The following BSN variants were observed in gnomAD, a reference collection of about 807,000 sequenced individuals.
The protein encoded by BSN is bassoon presynaptic cytomatrix protein.
A neutral mutation model predicts 264.8 loss-of-function variants in BSN; 57 were observed. The observed-to-expected ratio is 0.22, with a 90% CI of 0.17 to 0.27. BSN has a LOEUF of 0.27. Among genes scored for constraint, BSN ranks in the 10% least tolerant of loss-of-function variants. BSN has a pLI of 1.00. For missense variants in BSN, 4,615 were observed against 5,232.5 expected, an observed-to-expected ratio of 0.88 and a Z score of 3.64; for synonymous variants, 2,059 against 2,137.3, an observed-to-expected ratio of 0.96 and a Z score of 1.01.
chr3:49,576,016 C>G (rs749097293), intron 1 of BSN, among the ~76,000 whole-genome samples: 2 of 152,076 alleles, frequency 1.3e-5, no homozygotes, highest in Non-Finnish European at 2.9e-5. Context: ...AGATACTTCT[C>G]CCCACCCTCC....
intron 2 of BSN, chr3:49,641,482 C>G (rs1385187061): frequency 6.6e-6 from 1 of 152,160 alleles, no homozygotes; most frequent in East Asian, 1.9e-4. Flanking sequence ...CAGAGGGAAA[C>G]TATGTGTTTA....
chr3:49,610,599 A>C (rs889907760), intron 1 of BSN, among the ~76,000 whole-genome samples: 2 of 151,064 alleles, frequency 1.3e-5, no homozygotes, highest in African/African-American at 2.4e-5. Context: ...AAAAAAAAAA[A>C]AAAAAAACAA....
At chr3:49,607,595 G>T (rs1162188733) in intron 1 of BSN, among the ~76,000 whole-genome samples, 1 of 152,234 alleles carries the variant, frequency 6.6e-6, no homozygotes, top group Non-Finnish European at 1.5e-5. Flanking sequence ...ATGCACGTGT[G>T]CACACAGTAG....
rs760360093 is a variant in BSN at position 49,655,559 on chromosome 3, C to G, written c.6003C>G (p.Ile2001Met). The G allele has an allele frequency of 3.7e-6, 6 of 1,613,378 alleles. No individual in the cohort carries two copies. The South Asian group carries it at 6.6e-5, about 18-fold the overall frequency. The stretch of plus-strand genomic sequence containing the variant: ...GCCTCAACTACCATGCCCAGAGGAT[C>G]GGGCAGCTCTTCCAGGGTCCTGGAC... ...EAGLNYHAQR[I>M]GQLFQGPGRD... The change falls in exon 5 of 12, where the codon ATC becomes ATG. Residue 2001 changes from isoleucine to methionine, a missense_variant. By Grantham distance (10) the Ile-to-Met change is conservative. Coordinates refer to ENST00000296452, the MANE Select transcript of BSN (RefSeq NM_003458.4).
chr3:49,558,240 G>A (rs1462645082), intron 1 of BSN, among the ~76,000 whole-genome samples: 1 of 152,246 alleles, frequency 6.6e-6, no homozygotes, highest in African/African-American at 2.4e-5. Context: ...CATAAAGAAT[G>A]TGGTCTACAC....
At chr3:49,632,414 T>C (rs2052389502) in intron 2 of BSN, among the ~76,000 whole-genome samples, 1 of 152,194 alleles carries the variant, frequency 6.6e-6, no homozygotes, top group Non-Finnish European at 1.5e-5. Flanking sequence ...AGAAAATACT[T>C]GCTAATTATA....
chr3:49,576,771 G>A (rs1279836890), intron 1 of BSN, among the ~76,000 whole-genome samples: 2 of 152,146 alleles, frequency 1.3e-5, no homozygotes, highest in African/African-American at 4.8e-5. Context: ...CCTTGCTCAG[G>A]CTCATACTCA....
chr3:49,663,042 G>C lies in BSN; in HGVS notation c.10884G>C (p.Leu3628=), dbSNP rs748432651. 6.2e-6 allele frequency: 10 copies of C among 1,613,508 alleles called. No homozygotes were observed. The highest frequency in any genetic ancestry group is 2.7e-5 in the African/African-American group (2 of 74,954). ...HDYDEPPEEG[L]WPHDEGGPGR... ...ACGATGAACCCCCTGAGGAGGGCCT[G>C]TGGCCTCATGATGAGGGTGGCCCAG... The change falls in exon 7 of 12, where the codon CTG becomes CTC. Residue 3628 remains leucine (L), a synonymous_variant. Transcript: ENST00000296452.
intron 1 of BSN, among the ~76,000 whole-genome samples, chr3:49,591,838 C>T (rs1364713761): frequency 6.6e-6 from 1 of 152,158 alleles, no homozygotes; most frequent in East Asian, 1.9e-4. Context: ...ATCCACCCAC[C>T]TTGGCCTCCC....
intron 1 of BSN, among the ~76,000 whole-genome samples, chr3:49,565,521 C>T (rs1247356142): frequency 1.3e-5 from 2 of 151,990 alleles, no homozygotes; most frequent in Non-Finnish European, 2.9e-5. Context: ...GGGGTTTCAC[C>T]GTGTTAGCCA....
Position 49,576,427 on chromosome 3 carries a change from C to CT in BSN, c.224+21612dup, listed in dbSNP as rs1164537220. 1.9e-3 allele frequency among the ~76,000 whole-genome samples: 273 copies of CT among 140,686 alleles called. 2 individuals are homozygous for CT. The highest frequency in any genetic ancestry group is 1.6e-3 in the East Asian group (8 of 4,968). 92.3% of individuals were successfully genotyped at this position (140,686 alleles called of 152,430 possible). On this transcript the variant is annotated intron_variant, in intron 1 of 11. Coordinates refer to ENST00000296452, the MANE Select transcript of BSN (RefSeq NM_003458.4). Reference sequence around the variant, plus strand: ...TCTTTTTTTTTCTTTTTTCTTTTTTCTTTTTTTTTTTGAGACAGAGTCTTG... The same window carrying CT: ...TCTTTTTTTTTCTTTTTTCTTTTTTCTTTTTTTTTTTTGAGACAGAGTCTTG...
At chr3:49,590,088 G>T (rs898970272) in intron 1 of BSN, among the ~76,000 whole-genome samples, 1 of 151,710 alleles carries the variant, frequency 6.6e-6, no homozygotes, top group South Asian at 2.1e-4. Context: ...TGCCCGCCTC[G>T]GCCTCCTAAA....
In BSN at chr3:49,650,847, A is replaced by G; in HGVS notation, c.1754A>G (p.Lys585Arg). 6.2e-7 allele frequency: 1 copy of G among 1,614,148 alleles called. No individual in the cohort carries two copies. The highest frequency in any genetic ancestry group is 8.5e-7 in the Non-Finnish European group (1 of 1,179,998). ...ACCAAGGCCAGCCCTCTGCCCAGCA[A>G]GGCCAGCCCCCAGGCCAAGCCCCTC... is the stretch of plus-strand genomic sequence containing the variant. The part of the protein sequence containing the change: ...LSTKASPLPS[K>R]ASPQAKPLRA... The change falls in exon 4 of 12, where the codon AAG becomes AGG. Residue 585 changes from lysine to arginine, a missense_variant. By Grantham distance (26) the Lys-to-Arg change is conservative. Coordinates refer to ENST00000296452, the MANE Select transcript of BSN (RefSeq NM_003458.4).
chr3:49,610,584 C>CAA (rs60726552), intron 1 of BSN, among the ~76,000 whole-genome samples: 3,328 of 70,696 alleles, frequency 0.047, 429 homozygotes, highest in African/African-American at 0.12. Context: ...AATTTCATCT[C>CAA]AAAAAAAAAA....
intron 1 of BSN, among the ~76,000 whole-genome samples, chr3:49,615,704 C>T (rs775685951): frequency 6.6e-5 from 10 of 152,192 alleles, no homozygotes; most frequent in Admixed American, 2.6e-4. Context: ...GTGCTATTGC[C>T]GTCAGCACTG....
At chr3:49,635,883 G>T (rs780742075) in intron 2 of BSN, among the ~76,000 whole-genome samples, 1 of 151,856 alleles carries the variant, frequency 6.6e-6, no homozygotes, top group Non-Finnish European at 1.5e-5. Context: ...GGAGGCTGAG[G>T]TGGGAGGATC....
At chr3:49,605,462 T>A (rs1427701513) in intron 1 of BSN, among the ~76,000 whole-genome samples, 3 of 9,100 alleles carry the variant, frequency 3.3e-4, no homozygotes, top group African/African-American at 1.6e-3. Flanking sequence ...TAATATATAT[T>A]ATATATAATA....
At chr3:49,635,328 G>A (rs912290345) in intron 2 of BSN, among the ~76,000 whole-genome samples, 21 of 152,182 alleles carry the variant, frequency 1.4e-4, no homozygotes, top group Non-Finnish European at 1.3e-4. Flanking sequence ...GATAAGCAAA[G>A]AAGAGTAGAA....
Position 49,656,977 on chromosome 3 carries a change from A to T in BSN, c.7421A>T (p.Lys2474Met). 6.2e-7 allele frequency: 1 copy of T among 1,609,030 alleles called. No homozygotes were observed. Among genetic ancestry groups the T allele is most frequent in the Non-Finnish European group, 8.5e-7 (1 of 1,177,154 alleles). Residue 2474 changes from lysine to methionine, a missense_variant, in exon 5 of 12, where the codon AAG (lysine) becomes ATG (methionine). By Grantham distance (95) the Lys-to-Met change is moderately conservative. Coordinates refer to ENST00000296452, the MANE Select transcript of BSN (RefSeq NM_003458.4). ...QQLEEQKQRQKAPFPAACEAP... is the reference protein window; with the variant it reads ...QQLEEQKQRQMAPFPAACEAP... The stretch of plus-strand genomic sequence containing the variant: ...CTAGAGGAGCAGAAGCAGCGGCAGA[A>T]GGCTCCCTTTCCTGCAGCCTGTGAG...
Sources: allele counts gnomAD v4.1 joint callset (sites outside exome capture counted in the v4.1 genomes callset), GRCh38; gene constraint gnomAD v4.1.1; transcripts MANE v1.5; gene names NCBI Gene and HGNC (gene_info 2026-07-23, HGNC 2026-07-21).